SMCHD1: variants seen among roughly 807,000 people sequenced by gnomAD.
The protein encoded by SMCHD1 is structural maintenance of chromosomes flexible hinge domain containing 1.
SMCHD1 carries 78 observed loss-of-function variants against 254.7 expected under a neutral mutation model. The ratio of observed to expected loss-of-function variants is 0.31; its 90% CI spans 0.26 to 0.37. SMCHD1 has a LOEUF of 0.37. SMCHD1 is among the 10% of genes least tolerant of loss of function. The pLI, the probability that SMCHD1 is intolerant of heterozygous loss-of-function variation, is 1.00. For missense variants in SMCHD1, 1,840 were observed against 2,408.1 expected (o/e 0.76, Z 4.94); for synonymous variants, 766 against 794.9 (o/e 0.96, Z 0.61).
intron 5 of SMCHD1, among the ~76,000 whole-genome samples, chr18:2,687,291 T>C (rs1344738973): frequency 1.3e-5 from 2 of 152,222 alleles, no homozygotes; most frequent in Admixed American, 1.3e-4. Flanking sequence ...ATTGTGCTTG[T>C]AGGAACATTT....
At chr18:2,683,536 A>T (rs895432780) in intron 5 of SMCHD1, among the ~76,000 whole-genome samples, 1 of 152,186 alleles carries the variant, frequency 6.6e-6, no homozygotes, top group African/African-American at 2.4e-5. Context: ...ATGATCCAGG[A>T]TGTTATCTAT....
intron 42 of SMCHD1, among the ~76,000 whole-genome samples, chr18:2,777,278 C>T (rs886509580): frequency 6.6e-6 from 1 of 152,202 alleles, no homozygotes; most frequent in African/African-American, 2.4e-5. Context: ...GAGCTCCTCT[C>T]CACCTATGTT....
chr18:2,657,483 CT>C (rs1371999406), intron 1 of SMCHD1, among the ~76,000 whole-genome samples: 1 of 152,080 alleles, frequency 6.6e-6, no homozygotes, highest in African/African-American at 2.4e-5. Flanking sequence ...AAAAGGGAAA[CT>C]TTTTACGTTT....
At chr18:2,794,489 G>A (rs2076224233) in intron 45 of SMCHD1, among the ~76,000 whole-genome samples, 1 of 152,164 alleles carries the variant, frequency 6.6e-6, no homozygotes, top group Admixed American at 6.6e-5. Flanking sequence ...CTGGGTGACA[G>A]AGTGAGACCG....
intron 16 of SMCHD1, 33 bp downstream of exon 16, chr18:2,707,678 T>C (rs2074550362): frequency 1.3e-6 from 2 of 1,511,212 alleles, no homozygotes; most frequent in African/African-American, 1.4e-5. Flanking sequence ...TACCAAAAAG[T>C]GTGCTTTTCT....
Position 2,677,488 on chromosome 18 carries a change from T to G in SMCHD1, c.638+3343T>G, listed in dbSNP as rs562488858. Among the ~76,000 whole-genome samples the G allele has an allele frequency of 1.2e-4, 19 of 152,334 alleles. 1 individual carries two copies. The South Asian group carries it at 3.7e-3, about 30-fold the overall frequency. On this transcript the variant is annotated intron_variant, in intron 5 of 47. Coordinates refer to ENST00000320876, the MANE Select transcript of SMCHD1 (RefSeq NM_015295.3). ...TCATAAAATTCACAGTATTAAAGCATACTGTTCAGTAGTTTGAGTTAAAAT... is the reference window on the plus strand; with the variant it reads ...TCATAAAATTCACAGTATTAAAGCAGACTGTTCAGTAGTTTGAGTTAAAAT...
chr18:2,659,702 A>G (rs1299627600), intron 1 of SMCHD1, among the ~76,000 whole-genome samples: 3 of 148,288 alleles, frequency 2.0e-5, no homozygotes, highest in Non-Finnish European at 4.5e-5. Context: ...CGGCTATTCT[A>G]GGTGTTTTGT....
chr18:2,731,359 A>G (rs913913198), intron 24 of SMCHD1, among the ~76,000 whole-genome samples: 2 of 152,238 alleles, frequency 1.3e-5, no homozygotes, highest in Non-Finnish European at 2.9e-5. Flanking sequence ...TTGTGTGCCT[A>G]AAATCAATTT....
intron 30 of SMCHD1, among the ~76,000 whole-genome samples, chr18:2,748,390 ATT>A (rs67175512): frequency 7.6e-5 from 7 of 92,698 alleles, no homozygotes; most frequent in African/African-American, 2.5e-4. Flanking sequence ...GTGTATATAA[ATT>A]TTTTTTTTTT....
At chr18:2,691,658 G>C (rs776308329) in intron 7 of SMCHD1, 2 of 152,190 alleles carry the variant, frequency 1.3e-5, no homozygotes, top group Admixed American at 6.5e-5. Context: ...TTTAATAGAG[G>C]GAATTAGATG....
intron 5 of SMCHD1, among the ~76,000 whole-genome samples, chr18:2,677,628 T>A (rs1460366691): frequency 6.6e-6 from 1 of 152,204 alleles, no homozygotes; most frequent in African/African-American, 2.4e-5. Context: ...TTAATAGTTT[T>A]GTTTTGTTTT....
intron 7 of SMCHD1, among the ~76,000 whole-genome samples, chr18:2,692,663 C>T (rs994477971): frequency 1.3e-5 from 2 of 152,178 alleles, no homozygotes; most frequent in African/African-American, 2.4e-5. Context: ...TTCCTTTATG[C>T]TCTTGAATTC....
In SMCHD1 at chr18:2,655,916, G is replaced by A. The variant is rs2073037495; in HGVS notation, c.-160G>A. The A allele has an allele frequency of 2.2e-6, 1 of 445,046 alleles. No homozygotes were observed. The highest frequency in any genetic ancestry group is 3.6e-6 in the Non-Finnish European group (1 of 274,916). 27.6% of individuals were successfully genotyped at this position (445,046 alleles called of 1,614,324 possible). ...CGGTTCCCGGGTGATCCTCGCGCCTGCCGCTGCTCGGCCGCCGCCGCTGAC... is the reference window on the plus strand; with the variant it reads ...CGGTTCCCGGGTGATCCTCGCGCCTACCGCTGCTCGGCCGCCGCCGCTGAC... On this transcript the variant is annotated 5_prime_UTR_variant, in exon 1 of 48. Transcript: ENST00000320876.
At chr18:2,767,632 C>G (rs930592244) in intron 37 of SMCHD1, among the ~76,000 whole-genome samples, 2 of 144,434 alleles carry the variant, frequency 1.4e-5, no homozygotes, top group Non-Finnish European at 3.0e-5. Flanking sequence ...CTCTGTCACC[C>G]AGGCTGGAGT....
chr18:2,778,479 A>T (rs955412060), intron 44 of SMCHD1, among the ~76,000 whole-genome samples: 1 of 152,232 alleles, frequency 6.6e-6, no homozygotes, highest in Non-Finnish European at 1.5e-5. Context: ...GGATTGGAAA[A>T]AAGTACTGTC....
chr18:2,758,882 G>A (rs181692530), intron 34 of SMCHD1, among the ~76,000 whole-genome samples: 9 of 151,584 alleles, frequency 5.9e-5, no homozygotes, highest in Admixed American at 2.6e-4. Flanking sequence ...TGGTTTTCAC[G>A]GGCTTTGATT....
chr18:2,743,671 G>A (rs1453968858), intron 28 of SMCHD1, 90 bp from the exon 29 acceptor site: 5 of 842,784 alleles, frequency 5.9e-6, no homozygotes, highest in East Asian at 2.7e-5. Context: ...ACATCTGTAC[G>A]CCCATGGGTT....
At chr18:2,774,143 A>G (rs2076028196) in intron 41 of SMCHD1, among the ~76,000 whole-genome samples, 1 of 152,156 alleles carries the variant, frequency 6.6e-6, no homozygotes, top group Admixed American at 6.5e-5. Context: ...TTTCAGTTAA[A>G]CATATTATAG....
chr18:2,734,001 T>C (rs900389407), intron 25 of SMCHD1, among the ~76,000 whole-genome samples: 11 of 152,200 alleles, frequency 7.2e-5, no homozygotes, highest in Non-Finnish European at 1.3e-4. Flanking sequence ...TCCATACCGG[T>C]ATACACCATA....
Sources: gnomAD v4.1 joint callset for allele counts (sites outside exome capture counted in the v4.1 genomes callset) on GRCh38, gnomAD v4.1.1 for gene constraint, MANE v1.5 for transcripts, NCBI Gene and HGNC (gene_info 2026-07-23, HGNC 2026-07-21) for gene names.